Variants in KANSL1 observed in about 807,000 individuals in gnomAD.
The protein encoded by KANSL1 is MLL1/MLL complex subunit KANSL1.
KANSL1 carries 22 observed loss-of-function variants against 103.6 expected under a neutral mutation model. The observed-to-expected ratio is 0.21, with a 90% CI of 0.15 to 0.30. The LOEUF is 0.30. Among genes scored for constraint, KANSL1 ranks in the 10% least tolerant of loss-of-function variants. The pLI is 1.00. For missense variants in KANSL1, 1,337 were observed against 1,399.8 expected (o/e 0.96, Z 0.72); for synonymous variants, 600 against 527.6 (o/e 1.14, Z -1.88).
intron 2 of KANSL1, among the ~76,000 whole-genome samples, chr17:46,110,292 T>C (rs2042746419): frequency 2.0e-5 from 3 of 152,226 alleles, no homozygotes; most frequent in Non-Finnish European, 4.4e-5. Flanking sequence ...TGTTTCCTCA[T>C]GAGAATTAAG....
In KANSL1 at chr17:46,171,947, T is replaced by C; in HGVS notation, c.197A>G (p.Asn66Ser). The change falls in exon 2 of 15, where the codon AAT becomes AGT. Residue 66 changes from asparagine to serine, a missense_variant. Physicochemically the swap from Asn to Ser is conservative, Grantham distance 46. Around this residue, in one of 2 missense-constraint regions of KANSL1, gnomAD observed 557 missense variants for 476.4 expected, o/e 1.17. Transcript: ENST00000432791. The stretch of plus-strand genomic sequence containing the variant: ...CTTTCCCAAGTCTTCCTTGGTAGGA[T>C]TATTTCGGAAATCTAGGCTGGGATC... The part of the protein sequence containing the change: ...AEDPSLDFRN[N>S]PTKEDLGKLQ... The C allele has an allele frequency of 1.2e-6, 2 of 1,614,278 alleles. No homozygotes were observed. The highest frequency in any genetic ancestry group is 8.5e-7 in the Non-Finnish European group (1 of 1,180,054).
chr17:46,097,464 A>G (rs892251544), intron 2 of KANSL1, among the ~76,000 whole-genome samples: 20 of 152,262 alleles, frequency 1.3e-4, no homozygotes, highest in African/African-American at 4.3e-4. Flanking sequence ...TAAAATGCCT[A>G]AAACTGACAT....
At chr17:46,049,325 G>A (rs111327992) in intron 7 of KANSL1, 21,210 of 142,370 alleles carry the variant, frequency 0.15, 2,087 homozygotes, top group Middle Eastern at 0.22. Context: ...GACTCACTGC[G>A]ACCTCTGGCC....
chr17:46,187,124 C>G (rs902238913), intron 1 of KANSL1, among the ~76,000 whole-genome samples: 82 of 152,248 alleles, frequency 5.4e-4, no homozygotes, highest in Non-Finnish European at 2.5e-4. Context: ...TTCACACCCT[C>G]TGGTGGAGGT....
intron 2 of KANSL1, among the ~76,000 whole-genome samples, chr17:46,111,730 T>C (rs1598646785): frequency 3.3e-5 from 5 of 152,328 alleles, no homozygotes; most frequent in Admixed American, 2.6e-4. Flanking sequence ...ATTGTTGATA[T>C]TGATATAACC....
At chr17:46,181,325 G>A (rs1220780138) in intron 1 of KANSL1, among the ~76,000 whole-genome samples, 1 of 152,112 alleles carries the variant, frequency 6.6e-6, no homozygotes, top group Non-Finnish European at 1.5e-5. Flanking sequence ...GTCCTCATCA[G>A]CTCCTGTCTA....
At chr17:46,174,818 T>C (rs2147778266) in intron 1 of KANSL1, among the ~76,000 whole-genome samples, 1 of 152,254 alleles carries the variant, frequency 6.6e-6, no homozygotes, top group African/African-American at 2.4e-5. Flanking sequence ...GGACTATAGG[T>C]GTGTGCCACC....
intron 1 of KANSL1, among the ~76,000 whole-genome samples, chr17:46,173,177 C>T (rs746794509): frequency 5.9e-5 from 9 of 152,200 alleles, no homozygotes; most frequent in Non-Finnish European, 1.3e-4. Flanking sequence ...TTCTCTTCCT[C>T]CTGGACCCTT....
intron 2 of KANSL1, among the ~76,000 whole-genome samples, chr17:46,159,838 C>G (rs2045637226): frequency 6.6e-6 from 1 of 152,230 alleles, no homozygotes; most frequent in South Asian, 2.1e-4. Flanking sequence ...TAATAGTTCA[C>G]TTCTCTAGAG....
intron 2 of KANSL1, among the ~76,000 whole-genome samples, chr17:46,099,008 G>A (rs2042194809): frequency 6.6e-6 from 1 of 152,194 alleles, no homozygotes; most frequent in Admixed American, 6.5e-5. Context: ...AAGAATAAGA[G>A]CTTCACATCT....
intron 4 of KANSL1, 32 bp from the exon 5 acceptor site, chr17:46,067,699 A>C: frequency 8.4e-7 from 1 of 1,197,154 alleles, no homozygotes; most frequent in East Asian, 2.3e-5. Context: ...AGAAATTAAC[A>C]TGTACCCAAG....
chr17:46,096,311 C>CTTTCTTTCTTTCTTTTTTTTTGTTTTTTT (rs753073992), intron 2 of KANSL1, among the ~76,000 whole-genome samples: 1 of 76,408 alleles, frequency 1.3e-5, no homozygotes, highest in Non-Finnish European at 2.5e-5. Flanking sequence ...GCTTTTTTTT[C>CTTTCTTTCTTTCTTTTTTTTTGTTTTTTT]TTTTTTTTTT....
At chr17:46,175,913 C>A (rs2046498007) in intron 1 of KANSL1, among the ~76,000 whole-genome samples, 1 of 152,176 alleles carries the variant, frequency 6.6e-6, no homozygotes, top group Admixed American at 6.5e-5. Context: ...GTGTTATAGA[C>A]CAGTTGACAG....
rs60144037 is a variant in KANSL1 at position 46,178,849 on chromosome 17, A to C, written c.-89-6617T>G. 5.4e-3 allele frequency among the ~76,000 whole-genome samples: 829 copies of C among 152,324 alleles called. 9 individuals carry two copies. Among genetic ancestry groups the C allele is most frequent in the African/African-American group, 0.019 (791 of 41,558 alleles). On this transcript the variant is annotated intron_variant, in intron 1 of 14. Transcript: ENST00000432791. Reference sequence around the variant, plus strand: ...TCAAGCAGAAACATCATTGTGAGAAATACAAGTTGGGATAAAGTTCAAATA... The same window carrying C: ...TCAAGCAGAAACATCATTGTGAGAACTACAAGTTGGGATAAAGTTCAAATA...
intron 2 of KANSL1, among the ~76,000 whole-genome samples, chr17:46,133,606 T>C (rs1298350507): frequency 6.6e-6 from 1 of 152,228 alleles, no homozygotes; most frequent in Non-Finnish European, 1.5e-5. Flanking sequence ...TGTATAGTTT[T>C]CAGCTCAGTA....
chr17:46,039,285 C>T, intron 8 of KANSL1, 70 bp from the exon 9 acceptor site: 1 of 1,386,712 alleles, frequency 7.2e-7, no homozygotes, highest in Non-Finnish European at 9.7e-7. Context: ...GAGTTCCAAG[C>T]TCTCGAGTTC....
chr17:46,180,374 T>C (rs1325985985), intron 1 of KANSL1, among the ~76,000 whole-genome samples: 2 of 152,010 alleles, frequency 1.3e-5, no homozygotes, highest in Admixed American at 6.5e-5. Flanking sequence ...GGCGGGCACC[T>C]GTAATCCCAG....
chr17:46,166,915 A>G (rs1240583426), intron 2 of KANSL1, among the ~76,000 whole-genome samples: 1 of 152,226 alleles, frequency 6.6e-6, no homozygotes, highest in African/African-American at 2.4e-5. Context: ...TACAGAGAAT[A>G]TCCTCAACAA....
At chr17:46,107,833 T>C (rs1224180695) in intron 2 of KANSL1, among the ~76,000 whole-genome samples, 1 of 152,198 alleles carries the variant, frequency 6.6e-6, no homozygotes, top group Non-Finnish European at 1.5e-5. Context: ...ACTAGATGGA[T>C]CTGTTCAGGT....
Sources: gnomAD v4.1 joint callset for allele counts (sites outside exome capture counted in the v4.1 genomes callset) on GRCh38, gnomAD v4.1.1 for gene constraint, gnomAD v4.1.1 regional missense constraint, MANE v1.5 for transcripts, NCBI Gene and HGNC (gene_info 2026-07-23, HGNC 2026-07-21) for gene names.